Variants in MAPK6 observed in about 807,000 individuals in gnomAD.
MAPK6 encodes mitogen-activated protein kinase 6.
Under a neutral mutation model 59.3 loss-of-function variants are expected in MAPK6, and 19 were observed. The ratio of observed to expected loss-of-function variants is 0.32; its 90% confidence interval spans 0.22 to 0.47. The LOEUF is 0.47. Among genes scored for constraint, MAPK6 ranks in the 20% least tolerant of loss-of-function variants. The pLI, the probability that MAPK6 is intolerant of heterozygous loss-of-function variation, is 1.00. For missense variants in MAPK6, 724 were observed against 847.9 expected (o/e 0.85, Z 1.81); for synonymous variants, 316 against 290.3 (o/e 1.09, Z -0.90).
Position 52,065,698 on chromosome 15 carries a change from T to TAATTA in MAPK6, c.*699_*703dup, listed in dbSNP as rs1816366962. On this transcript the variant is annotated 3_prime_UTR_variant, in exon 6 of 6. Coordinates refer to ENST00000261845, the MANE Select transcript of MAPK6 (RefSeq NM_002748.4). ...AGCAAATCAGTATATTTTCTGTATTTAATTATAAAAAATTAACTTAGTTTT... is the reference window on the plus strand; with the variant it reads ...AGCAAATCAGTATATTTTCTGTATTTAATTAAATTATAAAAAATTAACTTAGTTTT... The TAATTA allele has an allele frequency of 6.6e-6, 1 of 152,188 alleles. No individual in the cohort carries two copies. The highest frequency in any genetic ancestry group is 6.6e-5 in the Admixed American group (1 of 15,192). The allele number at this position is 152,188 out of a possible 1,614,324, so 9.4% of individuals were successfully genotyped here.
chr15:52,000,320 G>A (rs2057238583), intron 2 of MAPK6, among the ~76,000 whole-genome samples: 1 of 151,990 alleles, frequency 6.6e-6, no homozygotes. Context: ...ATTTTTCTTT[G>A]GTTGCCTGTG....
At chr15:51,982,611 G>A (rs534295767) in intron 1 of MAPK6, among the ~76,000 whole-genome samples, 1 of 152,164 alleles carries the variant, frequency 6.6e-6, no homozygotes, top group East Asian at 1.9e-4. Flanking sequence ...GAAGAATACT[G>A]CCTTTAGATA....
chr15:52,054,238 C>G (rs560010145), intron 3 of MAPK6, among the ~76,000 whole-genome samples: 1 of 151,674 alleles, frequency 6.6e-6, no homozygotes, highest in Non-Finnish European at 1.5e-5. Flanking sequence ...CATGGTGGCG[C>G]GCACCTACAA....
intron 1 of MAPK6, among the ~76,000 whole-genome samples, chr15:51,971,983 T>G: frequency 6.7e-6 from 1 of 149,810 alleles, no homozygotes. Flanking sequence ...GGCGGGGGGG[T>G]CCTGCGTTCG....
At chr15:52,019,664 G>GCGCCCCTCCCACCCGGCA (rs2030430850) in intron 1 of MAPK6, among the ~76,000 whole-genome samples, 3 of 147,158 alleles carry the variant, frequency 2.0e-5, no homozygotes, top group Non-Finnish European at 4.5e-5. Flanking sequence ...GGCGGCCAGC[G>GCGCCCCTCCCACCCGGCA]CGCCCCTCCC....
At chr15:52,012,338 A>G (rs1476699334) in intron 3 of MAPK6, among the ~76,000 whole-genome samples, 2 of 152,204 alleles carry the variant, frequency 1.3e-5, no homozygotes, top group Non-Finnish European at 2.9e-5. Flanking sequence ...ATTTGAACAC[A>G]TAAGTTGAGA....
rs1385475173 is a variant in MAPK6, at chr15:52,067,296, A to G, written c.*2296A>G. ...AGTAAAACTGAAACCCCTTATATAAAATATGCTTGCTTTAGGGTGACCCAG... is the reference window on the plus strand; with the variant it reads ...AGTAAAACTGAAACCCCTTATATAAGATATGCTTGCTTTAGGGTGACCCAG... On this transcript the variant is annotated 3_prime_UTR_variant, in exon 6 of 6. Coordinates refer to ENST00000261845, the MANE Select transcript of MAPK6 (RefSeq NM_002748.4). The G allele has an allele frequency of 6.6e-6, 1 of 152,210 alleles. No homozygotes were observed. Among genetic ancestry groups the G allele is most frequent in the Non-Finnish European group, 1.5e-5 (1 of 68,036 alleles). 9.4% of individuals were successfully genotyped at this position (152,210 alleles called of 1,614,324 possible).
intron 1 of MAPK6, among the ~76,000 whole-genome samples, chr15:51,981,713 G>A (rs566537535): frequency 2.6e-5 from 4 of 152,242 alleles, no homozygotes; most frequent in Non-Finnish European, 5.9e-5. Flanking sequence ...TTTGCAGCAG[G>A]CAGGATGAGG....
chr15:52,066,792 G>GTGTGTATA lies in MAPK6; in HGVS notation c.*1793_*1794insGTGTATAT, dbSNP rs1043704165. ...TGTGTGTGTGTGTGTGTGTGTGTGT[G>GTGTGTATA]TATATATATTCATTTATTTATTTTC... On this transcript the variant is annotated 3_prime_UTR_variant, in exon 6 of 6. Coordinates refer to ENST00000261845, the MANE Select transcript of MAPK6 (RefSeq NM_002748.4). 1 of 144,058 alleles carries GTGTGTATA rather than the reference G, an allele frequency of 6.9e-6. No homozygotes were observed. Among genetic ancestry groups the GTGTGTATA allele is most frequent in the Non-Finnish European group, 1.5e-5 (1 of 65,936 alleles). 8.9% of individuals were successfully genotyped at this position (144,058 alleles called of 1,614,324 possible). A position where few individuals can be genotyped will look rare whatever the true frequency, so the allele number is the denominator to read the frequency against.
intron 1 of MAPK6, chr15:52,042,768 T>C (rs1312356231): frequency 6.6e-6 from 1 of 152,236 alleles, no homozygotes; most frequent in Non-Finnish European, 1.5e-5. Context: ...GACTTTACAG[T>C]GTACATTTAT....
chr15:52,054,331 G>A (rs2031887509), intron 3 of MAPK6, among the ~76,000 whole-genome samples: 1 of 122,312 alleles, frequency 8.2e-6, no homozygotes, highest in Non-Finnish European at 1.6e-5. Context: ...TCTTGCCACT[G>A]CACTCCAGCC....
chr15:52,019,035 A>G (rs1423570949), upstream of MAPK6: 1 of 152,210 alleles, frequency 6.6e-6, no homozygotes, highest in East Asian at 1.9e-4. Context: ...GCCCGCAGGC[A>G]AAGCCCCCAG....
intron 1 of MAPK6, among the ~76,000 whole-genome samples, chr15:51,979,726 G>A (rs750717627): frequency 2.0e-5 from 3 of 151,736 alleles, no homozygotes; most frequent in Non-Finnish European, 4.4e-5. Context: ...CTGGGAGGTC[G>A]AGAGTATAAT....
At chr15:52,028,054 G>A (rs552688173) in intron 1 of MAPK6, among the ~76,000 whole-genome samples, 102 of 142,734 alleles carry the variant, frequency 7.1e-4, no homozygotes, top group African/African-American at 2.5e-3. Context: ...CCAGGTTCAC[G>A]CCATTCTTCT....
intron 2 of MAPK6, among the ~76,000 whole-genome samples, chr15:52,000,317 T>A: frequency 6.6e-6 from 1 of 152,212 alleles, no homozygotes; most frequent in Non-Finnish European, 1.5e-5. Flanking sequence ...CCTATTTTTC[T>A]TTGGTTGCCT....
At chr15:51,990,951 C>T (rs2057206224) in intron 2 of MAPK6, among the ~76,000 whole-genome samples, 1 of 151,824 alleles carries the variant, frequency 6.6e-6, no homozygotes, top group Admixed American at 6.6e-5. Flanking sequence ...AAGACTCTGT[C>T]TCAAAACAAA....
chr15:52,040,536 A>C (rs1429661671), intron 1 of MAPK6, among the ~76,000 whole-genome samples: 1 of 152,282 alleles, frequency 6.6e-6, no homozygotes, highest in Non-Finnish European at 1.5e-5. Context: ...TTCTTTGCAC[A>C]TCTAGACTTC....
chr15:52,058,472 A>G (rs10851507), intron 3 of MAPK6, among the ~76,000 whole-genome samples, 161 bp from the exon 4 acceptor site: 17,743 of 152,228 alleles, frequency 0.12, 1,573 homozygotes, highest in East Asian at 0.44. Flanking sequence ...ATTGAAATAG[A>G]TAAGTAGATT....
intron 3 of MAPK6, among the ~76,000 whole-genome samples, chr15:52,004,560 AG>A (rs1424185276): frequency 4.6e-5 from 7 of 152,202 alleles, no homozygotes; most frequent in Non-Finnish European, 1.0e-4. Flanking sequence ...TAATTTATAA[AG>A]GAAAAAAATT....
Sources: allele counts gnomAD v4.1 joint callset (sites outside exome capture counted in the v4.1 genomes callset), GRCh38; gene constraint gnomAD v4.1.1; transcripts MANE v1.5; gene names NCBI Gene and HGNC (gene_info 2026-07-23, HGNC 2026-07-21).